The following GSAP variants were observed in gnomAD, a reference collection of about 807,000 sequenced individuals.
The protein encoded by GSAP is gamma-secretase-activating protein.
A neutral mutation model predicts 131.7 loss-of-function variants in GSAP; 118 were observed. The ratio of observed to expected loss-of-function variants is 0.90; its 90% CI spans 0.77 to 1.04. GSAP has a LOEUF of 1.04. Among genes scored for constraint, GSAP ranks in the 50% least tolerant of loss-of-function variants. GSAP has a pLI of 0.00. For missense variants in GSAP, 1,019 were observed against 1,013.2 expected (o/e 1.01, Z -0.08); for synonymous variants, 381 against 363.4 (o/e 1.05, Z -0.55).
At chr7:77,345,818 TA>T (rs1363547423) in intron 19 of GSAP, among the ~76,000 whole-genome samples, 1 of 152,204 alleles carries the variant, frequency 6.6e-6, no homozygotes, top group Non-Finnish European at 1.5e-5. Flanking sequence ...CCCAGGTGAT[TA>T]AAAAGCTCTA....
At chr7:77,338,162 C>CTCAA (rs989675631) in intron 19 of GSAP, among the ~76,000 whole-genome samples, 8 of 152,124 alleles carry the variant, frequency 5.3e-5, no homozygotes, top group South Asian at 2.1e-4. Flanking sequence ...GAGACCCTAT[C>CTCAA]TCAATCAATC....
chr7:77,412,328 A>T lies in GSAP; in HGVS notation c.109+3885T>A, dbSNP rs536974268. On this transcript the variant is annotated intron_variant, in intron 1 of 30. Transcript: ENST00000257626. ...GAAACAATTAGCTATTAATTTTTTT[A>T]AAAAAAATTGGACTCCTATAAATCA... 1.2e-3 allele frequency among the ~76,000 whole-genome samples: 181 copies of T among 152,080 alleles called. 1 individual carries two copies. The highest frequency in any genetic ancestry group is 2.1e-3 in the East Asian group (11 of 5,188).
At chr7:77,371,137 C>T (rs985686094) in intron 12 of GSAP, among the ~76,000 whole-genome samples, 4 of 152,080 alleles carry the variant, frequency 2.6e-5, no homozygotes, top group African/African-American at 7.2e-5. Flanking sequence ...ATCTTTTAGT[C>T]AACATGTCTA....
chr7:77,329,258 A>T, intron 21 of GSAP, 75 bp downstream of exon 21: 1 of 803,768 alleles, frequency 1.2e-6, no homozygotes, highest in Non-Finnish European at 2.0e-6. Context: ...TACTTCTATA[A>T]AAGGTAGCCA....
At position 77,376,916 on chromosome 7, in the gene GSAP, GA is replaced by G; in HGVS notation, c.682-10del. 7.2e-7 allele frequency: 1 copy of G among 1,388,616 alleles called. No homozygotes were observed. Among genetic ancestry groups the G allele is most frequent in the Non-Finnish European group, 9.9e-7 (1 of 1,008,746 alleles). 86.0% of individuals were successfully genotyped at this position (1,388,616 alleles called of 1,614,324 possible). Reference sequence around the variant, plus strand: ...AAGATACTCCTTGATTTCTAAAAGAGAAAACAGAATGGCATATTAAAAAACC... The same window carrying G: ...AAGATACTCCTTGATTTCTAAAAGAGAAACAGAATGGCATATTAAAAAACC... On this transcript the variant is annotated splice_polypyrimidine_tract_variant and intron_variant, in intron 9 of 30. Coordinates refer to ENST00000257626, the MANE Select transcript of GSAP (RefSeq NM_017439.4).
intron 19 of GSAP, among the ~76,000 whole-genome samples, chr7:77,346,270 CAA>C (rs1223497863): frequency 9.8e-5 from 4 of 40,902 alleles, no homozygotes; most frequent in African/African-American, 2.0e-4. Flanking sequence ...GACTCCATCT[CAA>C]AAAAAAAAAA....
At chr7:77,312,667 A>G (rs1240273577) in intron 28 of GSAP, among the ~76,000 whole-genome samples, 4 of 152,252 alleles carry the variant, frequency 2.6e-5, no homozygotes, top group Admixed American at 2.6e-4. Flanking sequence ...AGCTATGGAA[A>G]ATATGCTTTG....
chr7:77,312,215 T>C lies in GSAP; in HGVS notation c.2272-13A>G, dbSNP rs368449393. ...TCTGCCCAATAAGCTATTATGCAAA[T>C]TGAAAAAAATGTAGCGAATACCACA... On this transcript the variant is annotated splice_polypyrimidine_tract_variant and intron_variant, in intron 28 of 30. Transcript: ENST00000257626. 4 of 1,389,750 alleles carry C rather than the reference T, an allele frequency of 2.9e-6. No individual in the cohort carries two copies. Among genetic ancestry groups the C allele is most frequent in the Non-Finnish European group, 3.9e-6 (4 of 1,013,242 alleles). 86.1% of individuals were successfully genotyped at this position (1,389,750 alleles called of 1,614,324 possible).
intron 1 of GSAP, chr7:77,415,970 G>A: frequency 2.5e-6 from 1 of 393,768 alleles, no homozygotes; most frequent in Non-Finnish European, 4.6e-6. Flanking sequence ...CCGCGGGCCG[G>A]CAGCGAGCCA....
chr7:77,396,748 AC>A lies in GSAP; in HGVS notation c.367+233del, dbSNP rs943864790. Among the ~76,000 whole-genome samples the A allele has an allele frequency of 2.8e-4, 43 of 152,228 alleles. 1 individual carries two copies. The highest frequency in any genetic ancestry group is 1.0e-3 in the African/African-American group (43 of 41,520). ...TTTATTTAGCCTGCAGGTACTAATT[AC>A]CATCTTAATACTTCTGCTGAATCAC... On this transcript the variant is annotated intron_variant, in intron 5 of 30. Coordinates refer to ENST00000257626, the MANE Select transcript of GSAP (RefSeq NM_017439.4).
chr7:77,329,031 A>G (rs1314255572), intron 21 of GSAP, among the ~76,000 whole-genome samples: 2 of 152,014 alleles, frequency 1.3e-5, no homozygotes, highest in Admixed American at 1.3e-4. Context: ...AAAAAAATCA[A>G]CCTACTATTT....
At position 77,381,331 on chromosome 7, in the gene GSAP, C is replaced by T. The variant is rs1404476885; in HGVS notation, c.550G>A (p.Val184Ile). The T allele has an allele frequency of 1.3e-6, 2 of 1,556,734 alleles. No individual in the cohort carries two copies. Among genetic ancestry groups the T allele is most frequent in the Non-Finnish European group, 1.7e-6 (2 of 1,144,430 alleles). ...ACTCTATTTCCATCTTCTTGGGCGA[C>T]ATGGATACGAAATTGTTCAATATCT... ...EKYIEQFRIHVAQEDGNRVVI... is the reference protein window; with the variant it reads ...EKYIEQFRIHIAQEDGNRVVI... The change falls in exon 8 of 31, where the codon GTC becomes ATC. Residue 184 changes from valine to isoleucine, a missense_variant. Val to Ile is a conservative substitution (Grantham distance 29). Coordinates refer to ENST00000257626, the MANE Select transcript of GSAP (RefSeq NM_017439.4).
intron 1 of GSAP, among the ~76,000 whole-genome samples, chr7:77,412,776 CAAAAAA>C (rs34619648): frequency 1.8e-5 from 2 of 110,714 alleles, no homozygotes; most frequent in Non-Finnish European, 1.9e-5. Flanking sequence ...ACCAGTTTGA[CAAAAAA>C]AAAAAAAAAA....
intron 22 of GSAP, chr7:77,326,712 C>G (rs993754565): frequency 6.5e-6 from 1 of 154,962 alleles, no homozygotes; most frequent in African/African-American, 2.4e-5. Flanking sequence ...CTGAGGGGGC[C>G]AGTCAATTAC....
intron 12 of GSAP, among the ~76,000 whole-genome samples, chr7:77,366,641 G>A (rs1795366106): frequency 6.6e-6 from 1 of 152,294 alleles, no homozygotes; most frequent in African/African-American, 2.4e-5. Context: ...TAGCCCTGTA[G>A]TATAGTTTGA....
intron 3 of GSAP, among the ~76,000 whole-genome samples, chr7:77,402,282 C>T (rs1198161750): frequency 6.7e-6 from 1 of 149,974 alleles, no homozygotes; most frequent in Non-Finnish European, 1.5e-5. Context: ...GGCACGGTGG[C>T]TCACACCTGT....
intron 12 of GSAP, among the ~76,000 whole-genome samples, chr7:77,371,515 A>G (rs1429996695): frequency 6.7e-6 from 1 of 148,876 alleles, no homozygotes; most frequent in Admixed American, 6.7e-5. Flanking sequence ...GCTCACTGCA[A>G]CCTCCGCCTC....
chr7:77,385,360 A>G (rs1798410659), intron 6 of GSAP, among the ~76,000 whole-genome samples: 1 of 152,172 alleles, frequency 6.6e-6, no homozygotes, highest in African/African-American at 2.4e-5. Context: ...AACTGAGTTC[A>G]CATAACATAA....
intron 23 of GSAP, 71 bp downstream of exon 23, chr7:77,326,141 C>A (rs746171456): frequency 1.1e-6 from 1 of 928,494 alleles, no homozygotes; most frequent in Non-Finnish European, 1.7e-6. Context: ...ATGAGAAGCC[C>A]ACTGTAATCC....
Sources: allele counts gnomAD v4.1 joint callset (sites outside exome capture counted in the v4.1 genomes callset), GRCh38; gene constraint gnomAD v4.1.1; transcripts MANE v1.5; gene names NCBI Gene and HGNC (gene_info 2026-07-23, HGNC 2026-07-21).